Variants in SHQ1 observed in about 807,000 individuals in gnomAD.
The protein encoded by SHQ1 is SHQ1, H/ACA ribonucleoprotein assembly factor.
SHQ1 carries 49 observed loss-of-function variants against 53.8 expected under a neutral mutation model. The ratio of observed to expected loss-of-function variants is 0.91; its 90% CI spans 0.72 to 1.16. The LOEUF (loss-of-function observed/expected upper bound fraction) is 1.16, where lower values mean the gene tolerates loss of function less well. SHQ1 is among the 50% of genes most tolerant of loss of function. The pLI, the probability that SHQ1 is intolerant of heterozygous loss-of-function variation, is 0.00. For missense variants in SHQ1, 738 were observed against 683.1 expected, an observed-to-expected ratio of 1.08 and a Z score of -0.90; for synonymous variants, 243 against 251.0, an observed-to-expected ratio of 0.97 and a Z score of 0.30.
chr3:72,734,946 A>C, the SHQ1 span, among the ~76,000 whole-genome samples: 1 of 151,626 alleles, frequency 6.6e-6, no homozygotes, highest in Non-Finnish European at 1.5e-5. Context: ...GGAGCTGCCC[A>C]GTATGGCTGT....
chr3:72,792,888 A>C (rs1221676832), intron 10 of SHQ1, 28 bp downstream of exon 10: 6 of 1,603,850 alleles, frequency 3.7e-6, no homozygotes, highest in Admixed American at 3.4e-5. Flanking sequence ...ACATCTAAAA[A>C]TTCGTAAGTA....
intron 10 of SHQ1, among the ~76,000 whole-genome samples, chr3:72,789,426 T>G (rs1706366754): frequency 6.6e-6 from 1 of 152,224 alleles, no homozygotes; most frequent in African/African-American, 2.4e-5. Context: ...TCTTCCAGTA[T>G]GGCCCATGGA....
At chr3:72,734,252 T>A in the SHQ1 span, among the ~76,000 whole-genome samples, 3 of 150,982 alleles carry the variant, frequency 2.0e-5, no homozygotes, top group Admixed American at 1.3e-4. Flanking sequence ...CATTTTTATT[T>A]TATTTATTTA....
intron 8 of SHQ1, chr3:72,814,583 G>A (rs1707248794): frequency 1.3e-5 from 2 of 152,174 alleles, no homozygotes; most frequent in Admixed American, 1.3e-4. Context: ...TGACGTCAAT[G>A]AAATAACCTT....
the SHQ1 span, among the ~76,000 whole-genome samples, chr3:72,725,530 C>G: frequency 2.2e-4 from 34 of 152,198 alleles, no homozygotes; most frequent in African/African-American, 7.5e-4. Flanking sequence ...CCACCCCACT[C>G]CTCCGTTTCA....
chr3:72,757,388 T>C (rs1448400478), intron 10 of SHQ1, among the ~76,000 whole-genome samples: 2 of 151,446 alleles, frequency 1.3e-5, no homozygotes, highest in African/African-American at 2.4e-5. Context: ...TTCCTTTTTT[T>C]TTTTTTTTTT....
intron 10 of SHQ1, among the ~76,000 whole-genome samples, chr3:72,776,769 C>T (rs180798527): frequency 1.6e-4 from 25 of 152,164 alleles, no homozygotes; most frequent in African/African-American, 5.3e-4. Flanking sequence ...AAAGCAATTC[C>T]AATCAAAATG....
chr3:72,739,165 C>T, the SHQ1 span, among the ~76,000 whole-genome samples: 5 of 152,242 alleles, frequency 3.3e-5, no homozygotes, highest in African/African-American at 1.2e-4. Context: ...CAACGTCTGA[C>T]TTTGCCCTTT....
intron 10 of SHQ1, among the ~76,000 whole-genome samples, chr3:72,783,620 T>G (rs565281216): frequency 5.5e-4 from 84 of 152,280 alleles, no homozygotes; most frequent in African/African-American, 2.0e-3. Flanking sequence ...AGCCCTAAGC[T>G]TTCTCTATTT....
intron 10 of SHQ1, among the ~76,000 whole-genome samples, chr3:72,792,586 G>C (rs991648738): frequency 2.6e-5 from 4 of 152,020 alleles, no homozygotes; most frequent in Admixed American, 1.3e-4. Flanking sequence ...AGGAGTTCAA[G>C]ACCAGCCTGG....
At position 72,810,393 on chromosome 3, in the gene SHQ1, T is replaced by C. The variant is rs1218387934; in HGVS notation, c.1060+2278A>G. ...TTGTAAAGGCTACTGTGAAGTCACA[T>C]GAGGCAAATTCCTGGCTCTTTGAAA... On this transcript the variant is annotated intron_variant, in intron 9 of 10. Transcript: ENST00000325599. Among the ~76,000 whole-genome samples, 11 of 152,346 alleles carry C rather than the reference T, an allele frequency of 7.2e-5. No homozygotes were observed. In the East Asian group the frequency reaches 1.7e-3, roughly 24 times the overall value.
At chr3:72,767,374 G>C (rs1161741178) in intron 10 of SHQ1, among the ~76,000 whole-genome samples, 1 of 152,200 alleles carries the variant, frequency 6.6e-6, no homozygotes, top group Non-Finnish European at 1.5e-5. Flanking sequence ...TAACTAAAGA[G>C]TTGATTACCG....
rs758661141 is a variant in SHQ1, at chr3:72,815,395, A to G, written c.891T>C (p.Ser297=). 3.1e-6 allele frequency: 5 copies of G among 1,613,100 alleles called. No individual in the cohort carries two copies. Among genetic ancestry groups the G allele is most frequent in the Admixed American group, 3.3e-5 (2 of 60,002 alleles). The change falls in exon 8 of 11, where the codon TCT becomes TCC. Residue 297 remains serine, a synonymous_variant. Coordinates refer to ENST00000325599, the MANE Select transcript of SHQ1 (RefSeq NM_018130.3). ...GACTCAGTTTCCTGATATTCCATGCAGATTCAACCTTTATTTGTTTTGGAG... is the reference window on the plus strand; with the variant it reads ...GACTCAGTTTCCTGATATTCCATGCGGATTCAACCTTTATTTGTTTTGGAG... ...RVTEGEKNVE[S]AWNIRKLSPT...
chr3:72,813,160 C>A (rs1298573308), intron 8 of SHQ1, among the ~76,000 whole-genome samples: 1 of 152,126 alleles, frequency 6.6e-6, no homozygotes, highest in African/African-American at 2.4e-5. Context: ...TAAGGCTATT[C>A]AAGATGGCAC....
chr3:72,738,313 T>A, the SHQ1 span, among the ~76,000 whole-genome samples: 2 of 152,128 alleles, frequency 1.3e-5, no homozygotes, highest in Non-Finnish European at 2.9e-5. Flanking sequence ...GAAAGCCCTT[T>A]GCAATCTGTA....
intron 7 of SHQ1, among the ~76,000 whole-genome samples, chr3:72,816,616 C>A (rs535094625): frequency 6.6e-5 from 10 of 152,084 alleles, no homozygotes; most frequent in African/African-American, 2.2e-4. Flanking sequence ...AGAGATACAA[C>A]AAAGTCTATA....
chr3:72,780,882 G>A (rs1706056872), intron 10 of SHQ1, among the ~76,000 whole-genome samples: 1 of 152,124 alleles, frequency 6.6e-6, no homozygotes, highest in African/African-American at 2.4e-5. Context: ...ATCACTTGAT[G>A]TGCTACACAA....
rs983165755 is a variant in SHQ1, at chr3:72,814,035, A to G, written c.937-1241T>C. Among the ~76,000 whole-genome samples, 8 of 152,218 alleles carry G rather than the reference A, an allele frequency of 5.3e-5. No homozygotes were observed. In the South Asian group the frequency reaches 1.7e-3, roughly 32 times the overall value. On this transcript the variant is annotated intron_variant, in intron 8 of 10. Transcript: ENST00000325599. ...AATTGTTTTTTGATAAACAAAGTAT[A>G]AAAAATGTAAACCATATGTAAAATT...
chr3:72,825,399 C>CACACACACACACACA (rs60540652), intron 5 of SHQ1, among the ~76,000 whole-genome samples: 5 of 149,534 alleles, frequency 3.3e-5, no homozygotes, highest in Middle Eastern at 3.4e-3. Flanking sequence ...CACACACACA[C>CACACACACACACACA]CATTTTTGGC....
Sources: gnomAD v4.1 joint callset for allele counts (sites outside exome capture counted in the v4.1 genomes callset) on GRCh38, gnomAD v4.1.1 for gene constraint, MANE v1.5 for transcripts, NCBI Gene and HGNC (gene_info 2026-07-23, HGNC 2026-07-21) for gene names.